The following CEP112 variants were observed in gnomAD, a reference collection of about 807,000 sequenced individuals.
CEP112 encodes centrosomal protein 112, also known as centrosomal protein of 112 kDa.
Under a neutral mutation model 153.0 loss-of-function variants are expected in CEP112, and 127 were observed. The observed-to-expected ratio is 0.83, with a 90% confidence interval of 0.72 to 0.96. CEP112 has a LOEUF of 0.96. CEP112 is among the 40% of genes least tolerant of loss of function. The pLI is 0.00. For synonymous variants in CEP112, 358 were observed against 374.4 expected (o/e 0.96, Z 0.51); for missense variants, 1,089 against 1,101.2 (o/e 0.99, Z 0.16).
intron 17 of CEP112, 109 bp downstream of exon 17, chr17:66,005,581 C>G: frequency 7.7e-7 from 1 of 1,299,186 alleles, no homozygotes; most frequent in Non-Finnish European, 1.0e-6. Context: ...GCAAACGAAT[C>G]CATAGCAAAG....
intron 23 of CEP112, among the ~76,000 whole-genome samples, chr17:65,694,151 G>C (rs1298131185): frequency 6.6e-6 from 1 of 152,186 alleles, no homozygotes; most frequent in African/African-American, 2.4e-5. Context: ...TGCAAATGCG[G>C]AAACTTCCTT....
chr17:65,708,202 G>A (rs1031764918), intron 23 of CEP112, among the ~76,000 whole-genome samples: 8 of 151,952 alleles, frequency 5.3e-5, no homozygotes, highest in Non-Finnish European at 1.2e-4. Context: ...TGTGGTCTAG[G>A]AAATCTGACT....
At chr17:65,683,620 G>T (rs1273273082) in intron 24 of CEP112, among the ~76,000 whole-genome samples, 1 of 152,204 alleles carries the variant, frequency 6.6e-6, no homozygotes, top group African/African-American at 2.4e-5. Context: ...TAGGCAGTGG[G>T]ACCCTAACCT....
chr17:65,675,371 A>G (rs985139948), intron 24 of CEP112, among the ~76,000 whole-genome samples: 13 of 152,110 alleles, frequency 8.5e-5, no homozygotes, highest in Non-Finnish European at 2.9e-5. Flanking sequence ...ATGTCCAGCT[A>G]ATTTTTGTAT....
chr17:66,156,866 T>C (rs2071464585), intron 4 of CEP112, among the ~76,000 whole-genome samples: 1 of 151,988 alleles, frequency 6.6e-6, no homozygotes, highest in East Asian at 1.9e-4. Flanking sequence ...CTCCAAGAAA[T>C]ATGGGACTAT....
chr17:66,078,305 C>T (rs1386022381), intron 8 of CEP112, among the ~76,000 whole-genome samples: 2 of 145,076 alleles, frequency 1.4e-5, no homozygotes, highest in Non-Finnish European at 3.0e-5. Context: ...TGTTCCCATG[C>T]TGAAGTGCAG....
chr17:65,711,001 T>C (rs2144712027), intron 23 of CEP112, among the ~76,000 whole-genome samples: 1 of 152,312 alleles, frequency 6.6e-6, no homozygotes, highest in East Asian at 1.9e-4. Flanking sequence ...TGTCATGGCA[T>C]TCCTGGGTGA....
chr17:65,811,792 C>G (rs1007548522), intron 21 of CEP112, among the ~76,000 whole-genome samples: 5 of 152,158 alleles, frequency 3.3e-5, no homozygotes, highest in African/African-American at 9.6e-5. Context: ...AATTGCTTTT[C>G]TTAATTTTAT....
chr17:65,660,695 C>A (rs1247174948), intron 24 of CEP112, among the ~76,000 whole-genome samples: 1 of 143,578 alleles, frequency 7.0e-6, no homozygotes, highest in African/African-American at 2.7e-5. Context: ...CAGGCGTGTA[C>A]CACCATGCCT....
chr17:65,776,448 AT>A (rs1391731240), intron 21 of CEP112, among the ~76,000 whole-genome samples: 1 of 152,050 alleles, frequency 6.6e-6, no homozygotes, highest in Non-Finnish European at 1.5e-5. Context: ...GATGGTCTCG[AT>A]CTCCTGACCT....
chr17:65,937,682 C>T lies in CEP112; in HGVS notation c.1873-9993G>A, dbSNP rs1397529366. Among the ~76,000 whole-genome samples the T allele has an allele frequency of 9.0e-5, 9 of 100,062 alleles. 2 individuals are homozygous for T. The highest frequency in any genetic ancestry group is 1.2e-4 in the Non-Finnish European group (6 of 48,166). The allele number at this position is 100,062 out of a possible 152,430, so 65.6% of individuals were successfully genotyped here. A position where few individuals can be genotyped will look rare whatever the true frequency, so the allele number is the denominator to read the frequency against. On this transcript the variant is annotated intron_variant, in intron 18 of 26. Coordinates refer to ENST00000535342, the MANE Select transcript of CEP112 (RefSeq NM_001199165.4). ...GAGGTGAGGGGCGCCTCTGCCCGGCCGCCCCTACTGGGAAGTGAGGAGCCC... is the reference window on the plus strand; with the variant it reads ...GAGGTGAGGGGCGCCTCTGCCCGGCTGCCCCTACTGGGAAGTGAGGAGCCC...
chr17:65,665,191 A>G (rs1469738317), intron 24 of CEP112, among the ~76,000 whole-genome samples: 1 of 152,024 alleles, frequency 6.6e-6, no homozygotes, highest in Non-Finnish European at 1.5e-5. Flanking sequence ...CACACCAGAG[A>G]TTTTTTTCAC....
At chr17:65,966,437 C>T (rs11079612) in intron 17 of CEP112, among the ~76,000 whole-genome samples, 73,077 of 152,000 alleles carry the variant, frequency 0.48, 18,563 homozygotes, top group East Asian at 0.89. Context: ...ATGGCTGCAA[C>T]CCAACATGTA....
At chr17:65,846,076 C>A (rs939119499) in intron 21 of CEP112, among the ~76,000 whole-genome samples, 1 of 152,200 alleles carries the variant, frequency 6.6e-6, no homozygotes, top group Non-Finnish European at 1.5e-5. Context: ...CTTTGAACCT[C>A]AACTTTATAC....
chr17:65,647,659 T>TCC (rs1263472211), intron 24 of CEP112, among the ~76,000 whole-genome samples: 2 of 131,382 alleles, frequency 1.5e-5, no homozygotes, highest in African/African-American at 6.1e-5. Context: ...TTTTTTTTTT[T>TCC]CCCCATATGG....
chr17:66,040,620 C>T (rs1005713122), intron 12 of CEP112, among the ~76,000 whole-genome samples: 3 of 151,696 alleles, frequency 2.0e-5, no homozygotes, highest in Admixed American at 1.3e-4. Flanking sequence ...CTCAGCCTCC[C>T]GAGTAGCTGG....
chr17:66,005,598 T>TA, intron 17 of CEP112, 92 bp downstream of exon 17: 2 of 1,421,196 alleles, frequency 1.4e-6, no homozygotes, highest in Non-Finnish European at 1.9e-6. Flanking sequence ...AAAGCTCTTA[T>TA]AAAAATATAG....
intron 24 of CEP112, among the ~76,000 whole-genome samples, chr17:65,651,753 T>C (rs760247933): frequency 2.2e-4 from 33 of 152,130 alleles, no homozygotes; most frequent in Non-Finnish European, 4.1e-4. Context: ...CAGGCAGAAG[T>C]GCAGTGTCAT....
chr17:65,965,678 C>A (rs1226530404), intron 17 of CEP112, among the ~76,000 whole-genome samples: 1 of 151,932 alleles, frequency 6.6e-6, no homozygotes, highest in Non-Finnish European at 1.5e-5. Context: ...CAAGCCACCA[C>A]CCCTGGCTAA....
Sources: allele counts gnomAD v4.1 joint callset (sites outside exome capture counted in the v4.1 genomes callset), GRCh38; gene constraint gnomAD v4.1.1; transcripts MANE v1.5; gene names NCBI Gene and HGNC (gene_info 2026-07-23, HGNC 2026-07-21).